Variants in ZZEF1 observed in about 807,000 individuals in gnomAD.
ZZEF1 encodes zinc finger ZZ-type and EF-hand domain containing 1.
Under a neutral mutation model 342.8 loss-of-function variants are expected in ZZEF1, and 157 were observed. The observed-to-expected ratio is 0.46, with a 90% CI of 0.40 to 0.52. ZZEF1 has a LOEUF of 0.52. ZZEF1 is among the 20% of genes least tolerant of loss of function. The pLI, the probability that ZZEF1 is intolerant of heterozygous loss-of-function variation, is 0.00. For synonymous variants in ZZEF1, 1,505 were observed against 1,429.1 expected, an observed-to-expected ratio of 1.05 and a Z score of -1.20; for missense variants, 3,480 against 3,725.6, an observed-to-expected ratio of 0.93 and a Z score of 1.72.
intron 28 of ZZEF1, among the ~76,000 whole-genome samples, chr17:4,065,248 T>G (rs2057369918): frequency 6.6e-6 from 1 of 151,914 alleles, no homozygotes; most frequent in Admixed American, 6.6e-5. Flanking sequence ...AAACAATAAA[T>G]TAACCAGACA....
rs2057026869 is a variant in ZZEF1 at position 4,050,769 on chromosome 17, T to C, written c.5863+12A>G. On this transcript the variant is annotated intron_variant, in intron 36 of 54. Coordinates refer to ENST00000381638, the MANE Select transcript of ZZEF1 (RefSeq NM_015113.4). ...GAGGGCTGGTTTTGGTTTCTGTGCA[T>C]TGGGAAGTCACCTTTTCCCTGATGA... is the stretch of plus-strand genomic sequence containing the variant. The C allele has an allele frequency of 3.1e-6, 5 of 1,613,082 alleles. No individual in the cohort carries two copies. The highest frequency in any genetic ancestry group is 1.3e-5 in the African/African-American group (1 of 74,956).
intron 31 of ZZEF1, 69 bp from the exon 32 acceptor site, chr17:4,058,224 AG>A: frequency 6.7e-7 from 1 of 1,492,858 alleles, no homozygotes; most frequent in Non-Finnish European, 9.0e-7. Flanking sequence ...AAGCAATTCA[AG>A]TAGGTGACCT....
At chr17:4,011,942 C>A (rs1220992125) in intron 52 of ZZEF1, among the ~76,000 whole-genome samples, 5 of 152,208 alleles carry the variant, frequency 3.3e-5, no homozygotes, top group Non-Finnish European at 5.9e-5. Context: ...GGGCCAAGCC[C>A]TCAGGCAGGC....
intron 2 of ZZEF1, among the ~76,000 whole-genome samples, chr17:4,117,648 C>CAAAAAAAAAAAAAAAAA (rs61155656): frequency 1.1e-5 from 1 of 89,050 alleles, no homozygotes; most frequent in Non-Finnish European, 2.1e-5. Flanking sequence ...AACTCCACCT[C>CAAAAAAAAAAAAAAAAA]AAAAAAAAAA....
intron 26 of ZZEF1, among the ~76,000 whole-genome samples, chr17:4,070,092 A>G (rs1429524773): frequency 6.6e-6 from 1 of 152,146 alleles, no homozygotes; most frequent in Non-Finnish European, 1.5e-5. Context: ...TGGCATCCCT[A>G]AGAGACATGA....
chr17:4,104,019 T>C (rs984834107), intron 8 of ZZEF1, among the ~76,000 whole-genome samples: 2 of 152,140 alleles, frequency 1.3e-5, no homozygotes, highest in African/African-American at 4.8e-5. Context: ...CACTCACAAG[T>C]AGAAGTGCTG....
intron 18 of ZZEF1, among the ~76,000 whole-genome samples, chr17:4,080,070 G>C (rs563268500): frequency 1.2e-4 from 19 of 152,098 alleles, no homozygotes; most frequent in Admixed American, 7.9e-4. Flanking sequence ...ATCTCTCGGG[G>C]TGCTTAGAAA....
chr17:4,132,752 G>A (rs1256423078), intron 1 of ZZEF1, among the ~76,000 whole-genome samples: 2 of 100,736 alleles, frequency 2.0e-5, no homozygotes, highest in Non-Finnish European at 5.0e-5. Context: ...GGATCACGAA[G>A]TCAGGAGATC....
At chr17:4,035,882 C>G (rs1159929763) in intron 39 of ZZEF1, among the ~76,000 whole-genome samples, 1 of 152,006 alleles carries the variant, frequency 6.6e-6, no homozygotes, top group Non-Finnish European at 1.5e-5. Flanking sequence ...GGGGGATTAC[C>G]TGAGGTCAGG....
rs138015198 is a variant in ZZEF1, at chr17:4,117,229, C to G, written c.500-63G>C. The G allele has an allele frequency of 4.6e-4, 625 of 1,344,564 alleles. 1 individual carries two copies. In the African/African-American group the frequency reaches 8.2e-3, roughly 18 times the overall value. 83.3% of individuals were successfully genotyped at this position (1,344,564 alleles called of 1,614,324 possible). On this transcript the variant is annotated intron_variant, in intron 2 of 54. Coordinates refer to ENST00000381638, the MANE Select transcript of ZZEF1 (RefSeq NM_015113.4). ...GCCACAGTAGTTTCCACATCCCCTG[C>G]CTGGTGGCCTATCTGAATTGGCTAA...
At chr17:4,072,318 A>G (rs2057525530) in intron 25 of ZZEF1, among the ~76,000 whole-genome samples, 1 of 152,260 alleles carries the variant, frequency 6.6e-6, no homozygotes, top group Admixed American at 6.5e-5. Flanking sequence ...CTCAGTAGGC[A>G]CTAGAAGTAC....
intron 32 of ZZEF1, among the ~76,000 whole-genome samples, chr17:4,057,230 C>T (rs956579842): frequency 6.6e-6 from 1 of 152,192 alleles, no homozygotes; most frequent in Admixed American, 6.5e-5. Context: ...CAGGCTCATG[C>T]CCCCTAGTGC....
At chr17:4,039,154 A>G (rs921186897) in intron 39 of ZZEF1, among the ~76,000 whole-genome samples, 29 of 152,094 alleles carry the variant, frequency 1.9e-4, no homozygotes, top group African/African-American at 6.8e-4. Context: ...AACTGAAGAA[A>G]AGATGGAGGG....
chr17:4,039,040 T>TAA (rs140895961), intron 39 of ZZEF1, among the ~76,000 whole-genome samples: 3 of 147,972 alleles, frequency 2.0e-5, no homozygotes, highest in African/African-American at 5.0e-5. Flanking sequence ...AAGTGCCTGC[T>TAA]AAAAAAAAAA....
At chr17:4,059,484 CAA>C (rs2057239064) in intron 30 of ZZEF1, among the ~76,000 whole-genome samples, 194 bp from the exon 31 acceptor site, 1 of 147,864 alleles carries the variant, frequency 6.8e-6, no homozygotes. Context: ...CTGACGGGCT[CAA>C]GAGAGTTACC....
At chr17:4,099,268 A>G (rs530643774) in intron 9 of ZZEF1, among the ~76,000 whole-genome samples, 7 of 152,136 alleles carry the variant, frequency 4.6e-5, no homozygotes, top group Non-Finnish European at 7.4e-5. Flanking sequence ...TCTGTTGCCC[A>G]GGCTGGAGTG....
At position 4,076,629 on chromosome 17, in the gene ZZEF1, C is replaced by T. The variant is rs200857821; in HGVS notation, c.3234+8G>A. 4.2e-5 allele frequency: 68 copies of T among 1,604,672 alleles called. No individual in the cohort carries two copies. In the Admixed American group the frequency reaches 8.7e-4, roughly 20 times the overall value. On this transcript the variant is annotated splice_region_variant and intron_variant, in intron 21 of 54. Transcript: ENST00000381638. ...ACACGGGGCGGCTCAAGTGCTGACT[C>T]GAGTTACCTTCCTCAGTCCTCCTTC...
chr17:4,056,254 C>T lies in ZZEF1; in HGVS notation c.5257G>A (p.Glu1753Lys). 1 of 1,590,794 alleles carries T rather than the reference C, an allele frequency of 6.3e-7. No individual in the cohort carries two copies. The highest frequency in any genetic ancestry group is 8.6e-7 in the Non-Finnish European group (1 of 1,168,498). ...TCTGGATCTTCCTGGGCTATTTTTT[C>T]ATACCAGGCCTCAAACATGCCATCC... The part of the protein sequence containing the change: ...CQDGMFEAWY[E>K]KIAQEDPEKQ... Residue 1753 changes from glutamate to lysine, a missense_variant, in exon 33 of 55, where the codon GAA becomes AAA. Transcript: ENST00000381638.
At chr17:4,043,275 T>C (rs2056841590) in intron 38 of ZZEF1, among the ~76,000 whole-genome samples, 1 of 152,184 alleles carries the variant, frequency 6.6e-6, no homozygotes. Flanking sequence ...GGCAGGTACT[T>C]AATACTTGAT....
Sources: gnomAD v4.1 joint callset for allele counts (sites outside exome capture counted in the v4.1 genomes callset) on GRCh38, gnomAD v4.1.1 for gene constraint, MANE v1.5 for transcripts, NCBI Gene and HGNC (gene_info 2026-07-23, HGNC 2026-07-21) for gene names.